The following PTPRM variants were observed in gnomAD, a reference collection of about 807,000 sequenced individuals.
The protein encoded by PTPRM is receptor-type tyrosine-protein phosphatase mu.
Under a neutral mutation model 186.7 loss-of-function variants are expected in PTPRM, and 47 were observed. The observed-to-expected ratio is 0.25, with a 90% CI of 0.20 to 0.32. The LOEUF (loss-of-function observed/expected upper bound fraction) is 0.32, where lower values mean the gene tolerates loss of function less well. Ranked by LOEUF, PTPRM falls within the 10% of genes least tolerant of loss-of-function variation. The probability of loss-of-function intolerance (pLI) is 1.00; values close to 1 mark genes in which losing one functional copy is unlikely to be tolerated. For missense variants in PTPRM, 1,494 were observed against 1,865.0 expected, an observed-to-expected ratio of 0.80 and a Z score of 3.66; for synonymous variants, 668 against 674.9, an observed-to-expected ratio of 0.99 and a Z score of 0.16.
chr18:7,978,859 A>AT (rs11395383), intron 7 of PTPRM, among the ~76,000 whole-genome samples: 12,035 of 151,524 alleles, frequency 0.079, 562 homozygotes, highest in Middle Eastern at 0.28. Context: ...ATGTTATATG[A>AT]TTTTTTTTTG....
rs988393156 is a variant in PTPRM, at chr18:7,926,589, G to A, written c.569G>A (p.Arg190Gln). 1.4e-5 allele frequency: 22 copies of A among 1,612,686 alleles called. No individual in the cohort carries two copies. Among genetic ancestry groups the A allele is most frequent in the South Asian group, 2.2e-5 (2 of 90,884 alleles). The change falls in exon 5 of 33, where the codon CGG (arginine) becomes CAG (glutamine). Residue 190 changes from arginine (R) to glutamine (Q), a missense_variant. Arg to Gln is a conservative substitution (Grantham distance 43). Transcript: ENST00000580170. Reference protein sequence around the residue: ...HPCTRTPHFLRIQNVEVNAGQ... With the variant: ...HPCTRTPHFLQIQNVEVNAGQ... ...GTAGCCAGGACTCCTCACTTCCTGCGGATTCAGAATGTGGAAGTTAATGCT... is the reference window on the plus strand; with the variant it reads ...GTAGCCAGGACTCCTCACTTCCTGCAGATTCAGAATGTGGAAGTTAATGCT...
At chr18:7,882,127 C>G (rs1350868238) in intron 2 of PTPRM, among the ~76,000 whole-genome samples, 1 of 152,078 alleles carries the variant, frequency 6.6e-6, no homozygotes, top group African/African-American at 2.4e-5. Context: ...TTTCTGGTCC[C>G]TGACCAGTAC....
At chr18:8,143,814 A>T (rs758736197) in intron 14 of PTPRM, 35 bp downstream of exon 14, 176 of 1,608,750 alleles carry the variant, frequency 1.1e-4, no homozygotes, top group Non-Finnish European at 1.4e-4. Context: ...ATACAGTTAT[A>T]TCCCATTGTT....
chr18:7,575,606 G>A (rs1416269881), intron 1 of PTPRM, among the ~76,000 whole-genome samples: 2 of 152,148 alleles, frequency 1.3e-5, no homozygotes, highest in Non-Finnish European at 2.9e-5. Context: ...TACATGTAGT[G>A]GTAAAACTGG....
intron 7 of PTPRM, among the ~76,000 whole-genome samples, chr18:8,055,568 T>A (rs2087863856): frequency 6.6e-6 from 1 of 152,218 alleles, no homozygotes. Context: ...CATTTTTAAT[T>A]TTAGAAGTGG....
chr18:8,355,653 G>C lies in PTPRM; in HGVS notation c.3054+12133G>C, dbSNP rs114033072. Among the ~76,000 whole-genome samples the C allele has an allele frequency of 3.5e-3, 538 of 152,276 alleles. 2 individuals are homozygous for C. The highest frequency in any genetic ancestry group is 0.012 in the African/African-American group (508 of 41,542). ...TCAGCATCTGACTTAACAAGGAAAA[G>C]GTTACTGGCAACCTTTTGCCTCAGT... On this transcript the variant is annotated intron_variant, in intron 23 of 32. Coordinates refer to ENST00000580170, the MANE Select transcript of PTPRM (RefSeq NM_001105244.2).
At chr18:7,648,888 C>G (rs1349275378) in intron 1 of PTPRM, among the ~76,000 whole-genome samples, 4 of 152,178 alleles carry the variant, frequency 2.6e-5, no homozygotes, top group African/African-American at 9.6e-5. Flanking sequence ...GGTGGCTACA[C>G]TAAACAACAG....
At chr18:7,823,087 C>A (rs560521910) in intron 2 of PTPRM, among the ~76,000 whole-genome samples, 8 of 152,252 alleles carry the variant, frequency 5.3e-5, no homozygotes, top group Admixed American at 4.6e-4. Context: ...GAACCACTGT[C>A]CTAATGTTTC....
chr18:7,697,420 T>C (rs1457841395), intron 1 of PTPRM, among the ~76,000 whole-genome samples: 1 of 152,134 alleles, frequency 6.6e-6, no homozygotes, highest in Non-Finnish European at 1.5e-5. Context: ...AAACAAGATA[T>C]CAGATATTAA....
At chr18:8,197,956 G>T (rs1313336974) in intron 14 of PTPRM, among the ~76,000 whole-genome samples, 1 of 152,126 alleles carries the variant, frequency 6.6e-6, no homozygotes, top group African/African-American at 2.4e-5. Context: ...AAGGGATCAT[G>T]GAGAAGGTGG....
At chr18:7,753,713 A>C (rs1487498893) in intron 1 of PTPRM, among the ~76,000 whole-genome samples, 2 of 152,226 alleles carry the variant, frequency 1.3e-5, no homozygotes, top group African/African-American at 4.8e-5. Flanking sequence ...ACCTTTAAAA[A>C]GTTTTAAATG....
intron 23 of PTPRM, among the ~76,000 whole-genome samples, chr18:8,367,943 T>G (rs2095642048): frequency 6.6e-6 from 1 of 152,194 alleles, no homozygotes; most frequent in African/African-American, 2.4e-5. Flanking sequence ...AAGGTAAATC[T>G]TGATAAGGTG....
At chr18:8,047,912 T>C (rs2087178682) in intron 7 of PTPRM, among the ~76,000 whole-genome samples, 2 of 152,278 alleles carry the variant, frequency 1.3e-5, no homozygotes, top group Admixed American at 6.5e-5. Context: ...CATAAATACA[T>C]GTAATAGACT....
intron 14 of PTPRM, among the ~76,000 whole-genome samples, chr18:8,171,346 G>A (rs1489961561): frequency 2.6e-5 from 4 of 152,186 alleles, no homozygotes; most frequent in Admixed American, 1.3e-4. Flanking sequence ...GGTAATTTAC[G>A]TTGCTCAGGG....
intron 1 of PTPRM, among the ~76,000 whole-genome samples, chr18:7,699,351 G>T (rs909729849): frequency 6.6e-6 from 1 of 152,030 alleles, no homozygotes; most frequent in Non-Finnish European, 1.5e-5. Flanking sequence ...CTACTTGCTA[G>T]GTTGCATTTT....
intron 31 of PTPRM, among the ~76,000 whole-genome samples, chr18:8,393,049 A>G (rs971167571): frequency 1.3e-5 from 2 of 152,258 alleles, no homozygotes; most frequent in Non-Finnish European, 2.9e-5. Flanking sequence ...GGATGCTCAA[A>G]TCAGTGGGCG....
chr18:7,689,757 C>T (rs891152635), intron 1 of PTPRM, among the ~76,000 whole-genome samples: 7 of 152,156 alleles, frequency 4.6e-5, no homozygotes, highest in African/African-American at 1.7e-4. Context: ...TGCCTTTATT[C>T]TTATTTACTG....
At chr18:7,740,242 C>T (rs1598472745) in intron 1 of PTPRM, among the ~76,000 whole-genome samples, 1 of 152,056 alleles carries the variant, frequency 6.6e-6, no homozygotes, top group African/African-American at 2.4e-5. Flanking sequence ...GTAGTAGGTT[C>T]TATTGCAGAA....
At chr18:7,730,379 A>G (rs901320474) in intron 1 of PTPRM, among the ~76,000 whole-genome samples, 1 of 152,156 alleles carries the variant, frequency 6.6e-6, no homozygotes, top group Non-Finnish European at 1.5e-5. Context: ...CTTTACTTTT[A>G]GAGTTCCTAT....
Sources: allele counts gnomAD v4.1 joint callset (sites outside exome capture counted in the v4.1 genomes callset), GRCh38; gene constraint gnomAD v4.1.1; transcripts MANE v1.5; gene names NCBI Gene and HGNC (gene_info 2026-07-23, HGNC 2026-07-21).